NBEA: variants seen among roughly 807,000 people sequenced by gnomAD.
The protein encoded by NBEA is lysosomal-trafficking regulator 2.
In NBEA, 44 loss-of-function variants were observed where a neutral mutation model predicts 343.4. That is an observed-to-expected ratio of 0.13 (90% CI 0.10 to 0.16). The LOEUF is 0.16. Among genes scored for constraint, NBEA ranks in the 10% least tolerant of loss-of-function variants. The probability of loss-of-function intolerance (pLI) is 1.00; values close to 1 mark genes in which losing one functional copy is unlikely to be tolerated. For synonymous variants in NBEA, 1,175 were observed against 1,238.7 expected, an observed-to-expected ratio of 0.95 and a Z score of 1.08; for missense variants, 2,555 against 3,631.3, an observed-to-expected ratio of 0.70 and a Z score of 7.62.
intron 34 of NBEA, among the ~76,000 whole-genome samples, chr13:35,268,171 G>T (rs775730761): frequency 6.6e-6 from 1 of 151,988 alleles, no homozygotes; most frequent in Non-Finnish European, 1.5e-5. Flanking sequence ...AATATTATTC[G>T]CTTTTAAAGA....
At chr13:35,401,869 TA>T (rs1566079202) in intron 38 of NBEA, among the ~76,000 whole-genome samples, 6 of 152,022 alleles carry the variant, frequency 3.9e-5, no homozygotes, top group African/African-American at 1.4e-4. Flanking sequence ...AGTCATGATA[TA>T]TGCCATTGTT....
In NBEA at chr13:34,954,618, T is replaced by C. The variant is rs957867321; in HGVS notation, c.294+11504T>C. 5.3e-5 allele frequency among the ~76,000 whole-genome samples: 8 copies of C among 152,192 alleles called. No individual in the cohort carries two copies. In the East Asian group the frequency reaches 1.5e-3, roughly 29 times the overall value. On this transcript the variant is annotated intron_variant, in intron 1 of 58. Transcript: ENST00000379939. ...GTATGCAGTTGTCCCTTGGTATCCA[T>C]GGAAGATTGGTTTCAGGACCCCTCA...
chr13:35,375,786 A>G lies in NBEA; in HGVS notation c.6179+23463A>G, dbSNP rs977664554. 5.9e-5 allele frequency among the ~76,000 whole-genome samples: 9 copies of G among 152,286 alleles called. No individual in the cohort carries two copies. In the South Asian group the frequency reaches 1.0e-3, roughly 18 times the overall value. On this transcript the variant is annotated intron_variant, in intron 38 of 58. Coordinates refer to ENST00000379939, the MANE Select transcript of NBEA (RefSeq NM_001385012.1). Reference sequence around the variant, plus strand: ...AGAACAACAAGTGATCTTAAATATAATGAGTCAGAAATATTAGGGAATTTA... The same window carrying G: ...AGAACAACAAGTGATCTTAAATATAGTGAGTCAGAAATATTAGGGAATTTA...
At chr13:35,225,199 T>G (rs1566484762) in intron 33 of NBEA, among the ~76,000 whole-genome samples, 2 of 152,120 alleles carry the variant, frequency 1.3e-5, no homozygotes, top group Admixed American at 6.6e-5. Context: ...CTAGACTCCA[T>G]TTTAGTCAAG....
At chr13:35,432,925 A>T (rs2045215647) in intron 39 of NBEA, among the ~76,000 whole-genome samples, 1 of 151,984 alleles carries the variant, frequency 6.6e-6, no homozygotes, top group African/African-American at 2.4e-5. Flanking sequence ...TAACCTCTTT[A>T]TATGATATTT....
At chr13:35,421,569 T>C (rs1309627411) in intron 38 of NBEA, among the ~76,000 whole-genome samples, 1 of 152,070 alleles carries the variant, frequency 6.6e-6, no homozygotes, top group Non-Finnish European at 1.5e-5. Context: ...TTTAGAAAAC[T>C]CAGGAGGAAA....
intron 45 of NBEA, among the ~76,000 whole-genome samples, chr13:35,573,399 T>C (rs190548837): frequency 2.6e-5 from 4 of 152,260 alleles, no homozygotes; most frequent in Admixed American, 2.0e-4. Flanking sequence ...CTCCTTCTAA[T>C]TGAAAAAATG....
At chr13:34,973,055 G>A (rs2060049701) in intron 1 of NBEA, among the ~76,000 whole-genome samples, 1 of 151,808 alleles carries the variant, frequency 6.6e-6, no homozygotes, top group South Asian at 2.1e-4. Context: ...CAGGACTGTT[G>A]CGGTTTGCTG....
chr13:35,472,533 G>C lies in NBEA; in HGVS notation c.6582G>C (p.Thr2194=), dbSNP rs767487478. Residue 2194 remains threonine (T), a synonymous_variant, in exon 41 of 59, where the codon ACG becomes ACC. Transcript: ENST00000379939. ...ATTCTGCCTTCAAGAAGATCGACAC[G>C]AAAGTGAGTTAAAGCGATTCCATGT... ...EDDSAFKKID[T]KVLAYTEGLH... The C allele has an allele frequency of 6.2e-7, 1 of 1,613,988 alleles. No individual in the cohort carries two copies. Among genetic ancestry groups the C allele is most frequent in the Admixed American group, 1.7e-5 (1 of 60,030 alleles).
chr13:35,424,844 T>G (rs2152926051), intron 38 of NBEA, among the ~76,000 whole-genome samples: 1 of 152,324 alleles, frequency 6.6e-6, no homozygotes, highest in Admixed American at 6.5e-5. Flanking sequence ...TGTAGGTCTA[T>G]TCAGAGATTC....
At chr13:35,357,577 G>T (rs765513379) in intron 38 of NBEA, among the ~76,000 whole-genome samples, 1 of 152,082 alleles carries the variant, frequency 6.6e-6, no homozygotes, top group Non-Finnish European at 1.5e-5. Context: ...GTGTTAGTTT[G>T]CTAAGGATAA....
intron 38 of NBEA, among the ~76,000 whole-genome samples, chr13:35,394,198 T>C (rs2042633504): frequency 6.6e-6 from 1 of 152,206 alleles, no homozygotes; most frequent in South Asian, 2.1e-4. Flanking sequence ...CACCACGCAC[T>C]TCAGCTGAAC....
At position 35,159,780 on chromosome 13, in the gene NBEA, A is replaced by G. The variant is rs1234128682; in HGVS notation, c.3609A>G (p.Ile1203Met). ...SVDLTCTSSI[I>M]EEKEFKIHTT... ...ACTTAACTTGTACATCCAGTATAATAGAAGAAAAAGAATTCAAAATCCATA... is the reference window on the plus strand; with the variant it reads ...ACTTAACTTGTACATCCAGTATAATGGAAGAAAAAGAATTCAAAATCCATA... The change falls in exon 22 of 59, where the codon ATA becomes ATG. Residue 1203 changes from isoleucine to methionine, a missense_variant. Transcript: ENST00000379939. 2 of 1,612,740 alleles carry G rather than the reference A, an allele frequency of 1.2e-6. No individual in the cohort carries two copies. Among genetic ancestry groups the G allele is most frequent in the Non-Finnish European group, 1.7e-6 (2 of 1,179,408 alleles).
In NBEA at chr13:35,182,596, T is replaced by C. The variant is rs1443878129; in HGVS notation, c.4831+68T>C. 2.1e-6 allele frequency: 3 copies of C among 1,422,754 alleles called. No individual in the cohort carries two copies. The Admixed American group carries it at 6.7e-5, about 32-fold the overall frequency. The allele number at this position is 1,422,754 out of a possible 1,614,324, so 88.1% of individuals were successfully genotyped here. A position where few individuals can be genotyped will look rare whatever the true frequency, so the allele number is the denominator to read the frequency against. On this transcript the variant is annotated intron_variant, in intron 29 of 58. Coordinates refer to ENST00000379939, the MANE Select transcript of NBEA (RefSeq NM_001385012.1). ...ATCTCCTTTTTTTCACCTTTACATC[T>C]AGATTTAAACTGGACCTCTTCATAA... is the stretch of plus-strand genomic sequence containing the variant.
chr13:35,390,415 G>A lies in NBEA; in HGVS notation c.6179+38092G>A, dbSNP rs562456916. Among the ~76,000 whole-genome samples, 19 of 152,272 alleles carry A rather than the reference G, an allele frequency of 1.2e-4. No homozygotes were observed. In the South Asian group the frequency reaches 3.9e-3, roughly 32 times the overall value. On this transcript the variant is annotated intron_variant, in intron 38 of 58. Transcript: ENST00000379939. ...AAAATTTTTGAAGAACCTAAATTCA[G>A]TAAACTAGATATTCCTGTTCTTTCC...
At chr13:35,603,706 T>C (rs548841801) in intron 47 of NBEA, among the ~76,000 whole-genome samples, 226 of 152,298 alleles carry the variant, frequency 1.5e-3, no homozygotes, top group Middle Eastern at 3.4e-3. Context: ...TGAGCACAAA[T>C]AACTGACGAA....
intron 36 of NBEA, among the ~76,000 whole-genome samples, chr13:35,341,546 T>C (rs981123980): frequency 1.3e-5 from 2 of 151,968 alleles, no homozygotes; most frequent in Non-Finnish European, 1.5e-5. Context: ...AACTCAATAA[T>C]AATAAGACAA....
rs1287520464 is a variant in NBEA at position 35,606,462 on chromosome 13, T to C, written c.7333T>C (p.Phe2445Leu). The change falls in exon 48 of 59, where the codon TTT becomes CTT. Residue 2445 changes from phenylalanine (F) to leucine (L), a missense_variant. By Grantham distance (22) the Phe-to-Leu change is conservative. Around this residue, in one of 21 missense-constraint regions of NBEA, gnomAD observed 156 missense variants for 185.8 expected, o/e 0.84. Coordinates refer to ENST00000379939, the MANE Select transcript of NBEA (RefSeq NM_001385012.1). Reference protein sequence around the residue: ...IPEFYYLPEMFVNSNGYNLGV... With the variant: ...IPEFYYLPEMLVNSNGYNLGV... ...AGAGTTCTACTACCTACCAGAGATG[T>C]TTGTCAACAGTAATGGATATAATCT... 4 of 1,573,882 alleles carry C rather than the reference T, an allele frequency of 2.5e-6. No individual in the cohort carries two copies. Among genetic ancestry groups the C allele is most frequent in the Admixed American group, 1.8e-5 (1 of 56,210 alleles).
Position 35,070,774 on chromosome 13 carries a change from G to A in NBEA, c.1493G>A (p.Gly498Glu), listed in dbSNP as rs1172167511. 3.1e-6 allele frequency: 5 copies of A among 1,609,656 alleles called. No individual in the cohort carries two copies. Among genetic ancestry groups the A allele is most frequent in the Non-Finnish European group, 4.2e-6 (5 of 1,178,388 alleles). The change falls in exon 10 of 59, where the codon GGG becomes GAG. Residue 498 changes from glycine (G) to glutamate (E), a missense_variant. Around this residue, in one of 21 missense-constraint regions of NBEA, gnomAD observed 360 missense variants for 519.1 expected, o/e 0.69. Coordinates refer to ENST00000379939, the MANE Select transcript of NBEA (RefSeq NM_001385012.1). ...CATAGTGCAATTCATTCAATTGGAG[G>A]GATTCAAGTGCTTTTTCCACTTTTT... ...SIHSAIHSIG[G>E]IQVLFPLFAQ...
Sources: allele counts gnomAD v4.1 joint callset (sites outside exome capture counted in the v4.1 genomes callset), GRCh38; gene constraint gnomAD v4.1.1; regional missense constraint gnomAD v4.1.1; transcripts MANE v1.5; gene names NCBI Gene and HGNC (gene_info 2026-07-23, HGNC 2026-07-21).